Variants in LYPLAL1 observed in about 807,000 individuals in gnomAD.
LYPLAL1 encodes lysophospholipase-like protein 1.
In LYPLAL1, 23 loss-of-function variants were observed where a neutral mutation model predicts 19.7. The ratio of observed to expected loss-of-function variants is 1.17; its 90% CI spans 0.84 to 1.65. LYPLAL1 has a LOEUF of 1.65. LYPLAL1 is among the 40% of genes most tolerant of loss of function. LYPLAL1 has a pLI of 0.00. For synonymous variants in LYPLAL1, 119 were observed against 96.3 expected (o/e 1.24, Z -1.38); for missense variants, 355 against 279.4 (o/e 1.27, Z -1.93).
At chr1:219,243,237 A>G in the LYPLAL1 span, among the ~76,000 whole-genome samples, 2 of 152,258 alleles carry the variant, frequency 1.3e-5, no homozygotes, top group East Asian at 3.8e-4. Flanking sequence ...TAATGGAAAT[A>G]TATTTTGGAA....
At chr1:219,180,669 T>A (rs1210351249) in intron 2 of LYPLAL1, among the ~76,000 whole-genome samples, 1 of 152,212 alleles carries the variant, frequency 6.6e-6, no homozygotes, top group Non-Finnish European at 1.5e-5. Context: ...TCTGCAGGGA[T>A]GAAAGATAAG....
chr1:219,362,099 G>A, the LYPLAL1 span, among the ~76,000 whole-genome samples: 2 of 152,234 alleles, frequency 1.3e-5, no homozygotes, highest in East Asian at 3.9e-4. Flanking sequence ...AGGACTCCAA[G>A]AACTTTTACT....
the LYPLAL1 span, among the ~76,000 whole-genome samples, chr1:219,315,286 A>T: frequency 6.6e-6 from 1 of 152,230 alleles, no homozygotes; most frequent in Admixed American, 6.5e-5. Context: ...ATAAATTTTG[A>T]TAAGTCAAAA....
At chr1:219,200,929 G>A (rs1345118711) in intron 3 of LYPLAL1, among the ~76,000 whole-genome samples, 1 of 152,192 alleles carries the variant, frequency 6.6e-6, no homozygotes. Flanking sequence ...AGGTCTGAGA[G>A]CCAATATGAA....
chr1:219,327,576 A>G, the LYPLAL1 span, among the ~76,000 whole-genome samples: 5 of 152,126 alleles, frequency 3.3e-5, no homozygotes, highest in African/African-American at 1.2e-4. Context: ...TGACAAATGG[A>G]CCAAACAAAG....
At chr1:219,176,928 C>G (rs969658219) in intron 1 of LYPLAL1, among the ~76,000 whole-genome samples, 5 of 152,296 alleles carry the variant, frequency 3.3e-5, no homozygotes, top group Middle Eastern at 3.4e-3. Flanking sequence ...AATCACTGCT[C>G]TCATGGAGCT....
At position 219,212,439 on chromosome 1, in the gene LYPLAL1, A is replaced by G. The variant is rs973405888; in HGVS notation, c.*711A>G. The G allele has an allele frequency of 5.3e-5, 8 of 152,058 alleles. No individual in the cohort carries two copies. Among genetic ancestry groups the G allele is most frequent in the African/African-American group, 1.4e-4 (6 of 41,432 alleles). The allele number at this position is 152,058 out of a possible 1,614,324, so 9.4% of individuals were successfully genotyped here. On this transcript the variant is annotated 3_prime_UTR_variant, in exon 5 of 5. Transcript: ENST00000366928. ...AAATAGCCAAAAGCCAATACATAAT[A>G]AACACTCAATAAAGATTAACCATAA...
the LYPLAL1 span, among the ~76,000 whole-genome samples, chr1:219,297,140 T>C: frequency 1.3e-5 from 2 of 152,190 alleles, no homozygotes; most frequent in Non-Finnish European, 2.9e-5. Flanking sequence ...GTTGCGACCT[T>C]AGGAATGAGC....
intron 3 of LYPLAL1, among the ~76,000 whole-genome samples, chr1:219,195,510 G>C (rs1412807046): frequency 6.6e-6 from 1 of 152,024 alleles, no homozygotes; most frequent in African/African-American, 2.4e-5. Flanking sequence ...GTGTATTGAA[G>C]AGTTTATCAC....
At chr1:219,176,002 A>G (rs1045813306) in intron 1 of LYPLAL1, among the ~76,000 whole-genome samples, 2 of 152,232 alleles carry the variant, frequency 1.3e-5, no homozygotes, top group Non-Finnish European at 2.9e-5. Context: ...TTGCAGCTGC[A>G]TTCTTACTCT....
At chr1:219,426,208 A>G in the LYPLAL1 span, among the ~76,000 whole-genome samples, 4 of 152,240 alleles carry the variant, frequency 2.6e-5, no homozygotes, top group Non-Finnish European at 5.9e-5. Context: ...CCATTCATAT[A>G]CATCTAAGCT....
At chr1:219,395,308 A>G in the LYPLAL1 span, among the ~76,000 whole-genome samples, 31 of 152,150 alleles carry the variant, frequency 2.0e-4, no homozygotes, top group African/African-American at 7.2e-4. Flanking sequence ...CTTTTTTCAA[A>G]TAGCCATTCT....
the LYPLAL1 span, among the ~76,000 whole-genome samples, chr1:219,407,977 A>G: frequency 3.7e-4 from 57 of 152,194 alleles, no homozygotes; most frequent in East Asian, 0.01. Context: ...CACCTTCATG[A>G]TCTATTTACC....
At chr1:219,369,909 A>G in the LYPLAL1 span, among the ~76,000 whole-genome samples, 1 of 152,188 alleles carries the variant, frequency 6.6e-6, no homozygotes, top group Admixed American at 6.5e-5. Flanking sequence ...TGCTGTGCAA[A>G]CTTCTCCAAG....
chr1:219,331,732 T>C, the LYPLAL1 span, among the ~76,000 whole-genome samples: 3 of 152,146 alleles, frequency 2.0e-5, no homozygotes, highest in African/African-American at 7.2e-5. Context: ...ATCCAATCTA[T>C]CACACTGTCA....
At chr1:219,301,413 C>G in the LYPLAL1 span, among the ~76,000 whole-genome samples, 1 of 151,912 alleles carries the variant, frequency 6.6e-6, no homozygotes, top group Non-Finnish European at 1.5e-5. Context: ...GAAATAAGAA[C>G]TATATAGAAG....
the LYPLAL1 span, among the ~76,000 whole-genome samples, chr1:219,414,954 G>C: frequency 1.3e-5 from 2 of 152,160 alleles, no homozygotes; most frequent in East Asian, 3.8e-4. Context: ...AAAGACCTTT[G>C]TTGTATCCAG....
intron 2 of LYPLAL1, chr1:219,179,518 T>A (rs761303180): frequency 3.3e-6 from 1 of 301,692 alleles, no homozygotes; most frequent in African/African-American, 2.2e-5. Context: ...CTGCTTCCTC[T>A]TGCCCTGCAG....
chr1:219,368,028 T>C, the LYPLAL1 span, among the ~76,000 whole-genome samples: 1 of 152,036 alleles, frequency 6.6e-6, no homozygotes, highest in African/African-American at 2.4e-5. Flanking sequence ...TATGTATTGC[T>C]ACTCCTTTAT....
Sources: gnomAD v4.1 joint callset for allele counts (sites outside exome capture counted in the v4.1 genomes callset) on GRCh38, gnomAD v4.1.1 for gene constraint, MANE v1.5 for transcripts, NCBI Gene and HGNC (gene_info 2026-07-23, HGNC 2026-07-21) for gene names.